The following MARK1 variants were observed in gnomAD, a reference collection of about 807,000 sequenced individuals.
MARK1 encodes serine/threonine-protein kinase MARK1.
Under a neutral mutation model 96.3 loss-of-function variants are expected in MARK1, and 40 were observed. The observed-to-expected ratio is 0.42, with a 90% confidence interval of 0.32 to 0.54. MARK1 has a LOEUF of 0.54. Among genes scored for constraint, MARK1 ranks in the 20% least tolerant of loss-of-function variants. The pLI is 0.16. For missense variants in MARK1, 719 were observed against 984.6 expected (o/e 0.73, Z 3.61); for synonymous variants, 317 against 341.2 (o/e 0.93, Z 0.78).
At chr1:220,597,616 T>G (rs1171061838) in intron 3 of MARK1, among the ~76,000 whole-genome samples, 2 of 152,248 alleles carry the variant, frequency 1.3e-5, no homozygotes, top group African/African-American at 4.8e-5. Context: ...TTTCAGAATA[T>G]CACCAATTTT....
In MARK1 at chr1:220,618,632, T is replaced by G; in HGVS notation, c.790-4T>G. The G allele has an allele frequency of 1.2e-6, 2 of 1,613,730 alleles. No homozygotes were observed. The highest frequency in any genetic ancestry group is 2.2e-5 in the South Asian group (2 of 90,858). ...TATAAGTGCTTTCTTTCACTTTTAT[T>G]AAGGAACTGCGAGAGCGAGTTTTAC... is the stretch of plus-strand genomic sequence containing the variant. On this transcript the variant is annotated splice_region_variant and splice_polypyrimidine_tract_variant and intron_variant, in intron 8 of 17. Coordinates refer to ENST00000366917, the MANE Select transcript of MARK1 (RefSeq NM_018650.5). The surrounding 1 kb of genome is among the most constrained non-coding windows in gnomAD (Gnocchi z 4.6).
intron 5 of MARK1, among the ~76,000 whole-genome samples, chr1:220,600,124 A>G (rs1042315904): frequency 5.9e-5 from 9 of 152,098 alleles, no homozygotes; most frequent in Admixed American, 5.9e-4. Context: ...TCATCTTATA[A>G]ATGTATTGAT....
At chr1:220,539,393 C>G (rs1660972092) in intron 1 of MARK1, among the ~76,000 whole-genome samples, 1 of 152,048 alleles carries the variant, frequency 6.6e-6, no homozygotes, top group Non-Finnish European at 1.5e-5. Flanking sequence ...ATATATTGAA[C>G]CAGCCTTGCA....
chr1:220,536,981 TA>T lies in MARK1; in HGVS notation c.51+8109del, dbSNP rs1352805753. Among the ~76,000 whole-genome samples the T allele has an allele frequency of 4.6e-5, 7 of 152,254 alleles. No homozygotes were observed. The South Asian group carries it at 1.2e-3, about 27-fold the overall frequency. On this transcript the variant is annotated intron_variant, in intron 1 of 17. Transcript: ENST00000366917. ...ATAAGTCTCTAAGTGTATCTATTGTTATTTTTTTTTTTCAGTTTTTAAGTTC... is the reference window on the plus strand; with the variant it reads ...ATAAGTCTCTAAGTGTATCTATTGTTTTTTTTTTTTTCAGTTTTTAAGTTC...
chr1:220,566,018 G>A (rs1331683235), intron 1 of MARK1, among the ~76,000 whole-genome samples: 1 of 152,154 alleles, frequency 6.6e-6, no homozygotes, highest in Non-Finnish European at 1.5e-5. Flanking sequence ...CTCTGGAACT[G>A]ACATTTACTA....
At chr1:220,660,526 C>T (rs1248193036) in intron 17 of MARK1, among the ~76,000 whole-genome samples, 1 of 152,014 alleles carries the variant, frequency 6.6e-6, no homozygotes, top group Non-Finnish European at 1.5e-5. Flanking sequence ...AGATTATAAA[C>T]TCCTTTCAAG....
intron 3 of MARK1, among the ~76,000 whole-genome samples, chr1:220,594,156 C>T (rs1403328863): frequency 1.3e-5 from 2 of 152,202 alleles, no homozygotes; most frequent in African/African-American, 4.8e-5. Context: ...GAGCAGGCTT[C>T]TCAAAAATTG....
At position 220,632,154 on chromosome 1, in the gene MARK1, C is replaced by T. The variant is rs370751136; in HGVS notation, c.1010-47C>T. 3.6e-4 allele frequency: 334 copies of T among 936,604 alleles called. 1 individual carries two copies. The highest frequency in any genetic ancestry group is 4.4e-4 in the Admixed American group (16 of 36,302). The allele number at this position is 936,604 out of a possible 1,614,324, so 58.0% of individuals were successfully genotyped here. On this transcript the variant is annotated intron_variant, in intron 10 of 17. Transcript: ENST00000366917. Reference sequence around the variant, plus strand: ...TTGCCCATTTTTGTTGATTTGTTTACGAAAATAAAACCATTTTCAGAAAAT... The same window carrying T: ...TTGCCCATTTTTGTTGATTTGTTTATGAAAATAAAACCATTTTCAGAAAAT...
At chr1:220,529,363 A>G (rs1368398459) in intron 1 of MARK1, among the ~76,000 whole-genome samples, 3 of 152,116 alleles carry the variant, frequency 2.0e-5, no homozygotes, top group African/African-American at 7.2e-5. Context: ...CATTGTGTCC[A>G]CATTTTGGGT....
At chr1:220,586,020 T>A (rs11485162) in intron 3 of MARK1, among the ~76,000 whole-genome samples, 8 of 146,798 alleles carry the variant, frequency 5.4e-5, no homozygotes, top group African/African-American at 2.2e-4. Context: ...CACGCGCGCG[T>A]GCGCAGAGAG....
Position 220,572,926 on chromosome 1 carries a change from G to T in MARK1, c.52-6428G>T, listed in dbSNP as rs549273697. On this transcript the variant is annotated intron_variant, in intron 1 of 17. Transcript: ENST00000366917. ...ATGTTTTCACTGGATAATGAATTTT[G>T]ACTTGCATTTGATTTTTCTATAGCA... Among the ~76,000 whole-genome samples the T allele has an allele frequency of 2.6e-5, 4 of 152,154 alleles. No individual in the cohort carries two copies. The South Asian group carries it at 8.3e-4, about 32-fold the overall frequency.
In MARK1 at chr1:220,662,098, C is replaced by T; in HGVS notation, c.2320C>T (p.Arg774Ter). ...GTCACTTAATGGGGTTCGCTTCAAG[C>T]GAATATCTGGGACATCTATTGCCTT... is the stretch of plus-strand genomic sequence containing the variant. Reference protein sequence around the residue: ...RLSLNGVRFKRISGTSIAFKN... With the variant: ...RLSLNGVRFK The change falls in exon 18 of 18, where the codon CGA becomes TGA. Residue 774 changes from arginine (R) to a stop codon, truncating the protein, a stop_gained. Transcript: ENST00000366917. LOFTEE classifies it high-confidence loss of function. 6 of 1,614,056 alleles carry T rather than the reference C, an allele frequency of 3.7e-6. No individual in the cohort carries two copies. The highest frequency in any genetic ancestry group is 5.1e-6 in the Non-Finnish European group (6 of 1,180,010).
Position 220,650,678 on chromosome 1 carries a change from C to T in MARK1, c.1529C>T (p.Thr510Ile). The change falls in exon 14 of 18, where the codon ACC becomes ATC. Residue 510 changes from threonine (T) to isoleucine (I), a missense_variant. Coordinates refer to ENST00000366917, the MANE Select transcript of MARK1 (RefSeq NM_018650.5). ...ARRNTYVCER[T>I]TDRYVALQNG... ...AGGAATACATATGTCTGTGAAAGGA[C>T]CACAGATCGATACGTAGCATTGCAG... 1 of 1,613,530 alleles carries T rather than the reference C, an allele frequency of 6.2e-7. No homozygotes were observed. The highest frequency in any genetic ancestry group is 8.5e-7 in the Non-Finnish European group (1 of 1,179,622).
At chr1:220,650,751 T>C in intron 14 of MARK1, 31 bp downstream of exon 14, 1 of 1,494,570 alleles carries the variant, frequency 6.7e-7, no homozygotes, top group Non-Finnish European at 9.3e-7. Flanking sequence ...TAGTAATACC[T>C]TTGCTGTTGT....
rs111947312 is a variant in MARK1 at position 220,633,383 on chromosome 1, G to T, written c.1122+1070G>T. On this transcript the variant is annotated intron_variant, in intron 11 of 17. Transcript: ENST00000366917. ...ATTGGAAGTTAGACATCTGTGGGAG[G>T]TATTTTAGAGAGAAAAAGCTGAAAT... Among the ~76,000 whole-genome samples the T allele has an allele frequency of 6.4e-3, 968 of 151,698 alleles. 8 individuals carry two copies. Among genetic ancestry groups the T allele is most frequent in the Non-Finnish European group, 0.011 (757 of 68,038 alleles).
At position 220,528,605 on chromosome 1, in the gene MARK1, C is replaced by T; in HGVS notation, c.-218C>T. 1 of 492,704 alleles carries T rather than the reference C, an allele frequency of 2.0e-6. No homozygotes were observed. Among genetic ancestry groups the T allele is most frequent in the Non-Finnish European group, 3.6e-6 (1 of 280,472 alleles). 30.5% of individuals were successfully genotyped at this position (492,704 alleles called of 1,614,324 possible). On this transcript the variant is annotated 5_prime_UTR_variant, in exon 1 of 18. Transcript: ENST00000366917. Reference sequence around the variant, plus strand: ...CCTCCCTCGTTACTGTCCGCATACCCCGGCGGCGCCGCCGCGGGAAGCGGC... The same window carrying T: ...CCTCCCTCGTTACTGTCCGCATACCTCGGCGGCGCCGCCGCGGGAAGCGGC...
At chr1:220,638,269 T>C (rs1039960848) in intron 13 of MARK1, among the ~76,000 whole-genome samples, 1 of 152,180 alleles carries the variant, frequency 6.6e-6, no homozygotes, top group African/African-American at 2.4e-5. Flanking sequence ...GTCTTATTTT[T>C]CCATGAACAT....
In MARK1 at chr1:220,594,287, T is replaced by C. The variant is rs147325972; in HGVS notation, c.310-4044T>C. Among the ~76,000 whole-genome samples, 189 of 152,326 alleles carry C rather than the reference T, an allele frequency of 1.2e-3. 1 individual carries two copies. Among genetic ancestry groups the C allele is most frequent in the Non-Finnish European group, 2.3e-3 (156 of 68,020 alleles). ...GCATATGAAAAGATACTCCACATCATATGTCATCAGAGAAATGATAATTAA... is the reference window on the plus strand; with the variant it reads ...GCATATGAAAAGATACTCCACATCACATGTCATCAGAGAAATGATAATTAA... On this transcript the variant is annotated intron_variant, in intron 3 of 17. Coordinates refer to ENST00000366917, the MANE Select transcript of MARK1 (RefSeq NM_018650.5).
chr1:220,648,979 A>G (rs76598046), intron 13 of MARK1, among the ~76,000 whole-genome samples: 1,789 of 152,340 alleles, frequency 0.012, 20 homozygotes, highest in Middle Eastern at 0.037. Flanking sequence ...TTAGGAATTT[A>G]TTGATTAAAA....
Sources: allele counts gnomAD v4.1 joint callset (sites outside exome capture counted in the v4.1 genomes callset), GRCh38; gene constraint gnomAD v4.1.1; non-coding constraint Gnocchi (gnomAD v3.1); transcripts MANE v1.5; gene names NCBI Gene and HGNC (gene_info 2026-07-23, HGNC 2026-07-21).